Variants in ERICH1 observed in about 807,000 individuals in gnomAD.
ERICH1 encodes glutamate-rich protein 1.
ERICH1 carries 56 observed loss-of-function variants against 39.6 expected under a neutral mutation model. The observed-to-expected ratio is 1.41, with a 90% CI of 1.14 to 1.77. The LOEUF (loss-of-function observed/expected upper bound fraction) is 1.77. Among genes scored for constraint, ERICH1 ranks in the 40% most tolerant of loss-of-function variants. The probability of loss-of-function intolerance (pLI) is 0.00; values close to 1 mark genes in which losing one functional copy is unlikely to be tolerated. For missense variants in ERICH1, 826 were observed against 575.4 expected (o/e 1.44, Z -4.45); for synonymous variants, 313 against 223.6 (o/e 1.40, Z -3.57).
chr8:614,911 C>G, exon 4 of ERICH1: 1 of 259,016 alleles, frequency 3.9e-6, no homozygotes, highest in Non-Finnish European at 7.2e-6. Context: ...TGCATGACAC[C>G]AAGGAGCTGC....
At position 673,402 on chromosome 8, in the gene ERICH1, G is replaced by A. The variant is rs1563224405; in HGVS notation, c.950C>T (p.Ser317Phe). 2.5e-6 allele frequency: 4 copies of A among 1,613,888 alleles called. No individual in the cohort carries two copies. The highest frequency in any genetic ancestry group is 1.7e-5 in the Admixed American group (1 of 59,982). Residue 317 changes from serine (S) to phenylalanine (F), a missense_variant, in exon 4 of 6, where the codon TCC becomes TTC. Ser to Phe is a radical substitution (Grantham distance 155). Transcript: ENST00000262109. ...TWAGEEEGAD[S>F]GEEDGADASE... ...GGCGTCTGCACCGTCCTCCTCCCCG[G>A]AGTCTGCACCCTCTTCCTCCCCAGC...
chr8:654,839 G>C (rs1173375772), intron 3 of ERICH1, among the ~76,000 whole-genome samples: 1 of 152,138 alleles, frequency 6.6e-6, no homozygotes, highest in African/African-American at 2.4e-5. Flanking sequence ...TGCCCCAGGA[G>C]AGGACCCCCC....
At chr8:726,523 C>T (rs1319837058) in intron 1 of ERICH1, among the ~76,000 whole-genome samples, 2 of 151,360 alleles carry the variant, frequency 1.3e-5, no homozygotes, top group African/African-American at 2.4e-5. Context: ...AACAGCCAGA[C>T]ACTCATGTAC....
intron 1 of ERICH1, among the ~76,000 whole-genome samples, chr8:719,526 C>T (rs1816805541): frequency 6.6e-6 from 1 of 152,216 alleles, no homozygotes; most frequent in Admixed American, 6.5e-5. Context: ...TTTCTCCCTG[C>T]CAAGCGACTC....
intron 3 of ERICH1, among the ~76,000 whole-genome samples, chr8:635,170 T>C (rs1430403709): frequency 6.6e-6 from 1 of 151,684 alleles, no homozygotes; most frequent in Non-Finnish European, 1.5e-5. Context: ...CATTTCATGG[T>C]GACCTCTGTT....
chr8:683,177 G>A (rs940232192), intron 3 of ERICH1, among the ~76,000 whole-genome samples: 1 of 152,256 alleles, frequency 6.6e-6, no homozygotes, highest in African/African-American at 2.4e-5. Flanking sequence ...GACCCCTGGA[G>A]ATTCAGGGAT....
intron 2 of ERICH1, among the ~76,000 whole-genome samples, chr8:692,933 C>T (rs1367191379): frequency 6.6e-6 from 1 of 152,188 alleles, no homozygotes; most frequent in Non-Finnish European, 1.5e-5. Flanking sequence ...TATAAAGCAG[C>T]AAAATATAAA....
At chr8:701,382 C>G (rs1242176875) in intron 2 of ERICH1, among the ~76,000 whole-genome samples, 1 of 151,620 alleles carries the variant, frequency 6.6e-6, no homozygotes, top group Non-Finnish European at 1.5e-5. Flanking sequence ...GCACGCCATA[C>G]CTACGGGTCT....
chr8:685,315 G>A (rs1807074681), intron 3 of ERICH1, among the ~76,000 whole-genome samples: 1 of 152,156 alleles, frequency 6.6e-6, no homozygotes, highest in Non-Finnish European at 1.5e-5. Context: ...CAGACCTAAT[G>A]GTAATCTCCC....
chr8:671,002 C>A (rs377079217), intron 4 of ERICH1, among the ~76,000 whole-genome samples: 3 of 151,600 alleles, frequency 2.0e-5, no homozygotes, highest in African/African-American at 4.9e-5. Flanking sequence ...GGTCCCCAGG[C>A]TCCGACCTCT....
At chr8:731,006 G>T (rs1450436678) in intron 1 of ERICH1, 134 bp downstream of exon 1, 34 of 1,059,134 alleles carry the variant, frequency 3.2e-5, no homozygotes, top group Non-Finnish European at 4.0e-5. Flanking sequence ...GGACTGGGGT[G>T]GAGGTGGGGA....
At chr8:642,145 A>G (rs1334876541) in intron 3 of ERICH1, among the ~76,000 whole-genome samples, 1 of 152,088 alleles carries the variant, frequency 6.6e-6, no homozygotes, top group Non-Finnish European at 1.5e-5. Flanking sequence ...GATTCTTCAC[A>G]AGCTCTGCTT....
intron 1 of ERICH1, among the ~76,000 whole-genome samples, chr8:726,298 G>A (rs1585734813): frequency 6.6e-6 from 1 of 152,118 alleles, no homozygotes; most frequent in East Asian, 1.9e-4. Flanking sequence ...AGACACGCAT[G>A]TACAAACACG....
At chr8:717,538 G>A (rs1270662205) in intron 1 of ERICH1, among the ~76,000 whole-genome samples, 2 of 152,190 alleles carry the variant, frequency 1.3e-5, no homozygotes, top group Admixed American at 6.5e-5. Context: ...TGTCAAAGAA[G>A]AAAATGTCCT....
intron 3 of ERICH1, among the ~76,000 whole-genome samples, chr8:678,794 C>T (rs952083285): frequency 6.6e-6 from 1 of 152,074 alleles, no homozygotes; most frequent in Non-Finnish European, 1.5e-5. Context: ...GGTGACAGCG[C>T]GAGACTCCAT....
chr8:691,078 C>G (rs1447383449), intron 3 of ERICH1: 1 of 152,294 alleles, frequency 6.6e-6, no homozygotes, highest in Non-Finnish European at 1.5e-5. Context: ...GTGCTTGGGG[C>G]TTGCTCTGGG....
At chr8:620,636 G>C (rs1167955324) in intron 3 of ERICH1, among the ~76,000 whole-genome samples, 4 of 152,194 alleles carry the variant, frequency 2.6e-5, no homozygotes, top group African/African-American at 9.7e-5. Flanking sequence ...CAGCAACCAT[G>C]ACAGAGCTGG....
At chr8:675,106 G>A (rs919232045) in intron 3 of ERICH1, among the ~76,000 whole-genome samples, 3 of 150,716 alleles carry the variant, frequency 2.0e-5, no homozygotes, top group Admixed American at 1.3e-4. Context: ...ACCTCAGTGA[G>A]GACAGAGACG....
chr8:721,132 C>T (rs1446031855), intron 1 of ERICH1, among the ~76,000 whole-genome samples: 2 of 152,082 alleles, frequency 1.3e-5, no homozygotes, highest in Non-Finnish European at 2.9e-5. Context: ...TTTTCTTCAA[C>T]AAGAATTATA....
Sources: gnomAD v4.1 joint callset for allele counts (sites outside exome capture counted in the v4.1 genomes callset) on GRCh38, gnomAD v4.1.1 for gene constraint, MANE v1.5 for transcripts, NCBI Gene and HGNC (gene_info 2026-07-23, HGNC 2026-07-21) for gene names.